The following TFEC variants were observed in gnomAD, a reference collection of about 807,000 sequenced individuals.
The protein encoded by TFEC is transcription factor EC.
In TFEC, 31 loss-of-function variants were observed where a neutral mutation model predicts 41.6. The observed-to-expected ratio is 0.74, with a 90% CI of 0.56 to 1.01. The LOEUF (loss-of-function observed/expected upper bound fraction) is 1.01. Ranked by LOEUF, TFEC falls within the 50% of genes least tolerant of loss-of-function variation. The probability of loss-of-function intolerance (pLI) is 0.00; values close to 1 mark genes in which losing one functional copy is unlikely to be tolerated. For synonymous variants in TFEC, 143 were observed against 140.6 expected, an observed-to-expected ratio of 1.02 and a Z score of -0.12; for missense variants, 402 against 404.1, an observed-to-expected ratio of 0.99 and a Z score of 0.04.
chr7:116,033,436 G>T (rs1478740487), upstream of TFEC, among the ~76,000 whole-genome samples: 1 of 152,030 alleles, frequency 6.6e-6, no homozygotes, highest in Admixed American at 6.6e-5. Flanking sequence ...ATAAATAATA[G>T]AAGTAAATTG....
chr7:116,038,187 T>A (rs1169717822), intron 3 of TFEC, among the ~76,000 whole-genome samples: 4 of 152,098 alleles, frequency 2.6e-5, no homozygotes, highest in Non-Finnish European at 5.9e-5. Context: ...TACCAAGGAC[T>A]AAAATTTCTC....
intron 1 of TFEC, among the ~76,000 whole-genome samples, chr7:116,139,379 C>A (rs1450744547): frequency 6.6e-6 from 1 of 152,168 alleles, no homozygotes; most frequent in Non-Finnish European, 1.5e-5. Flanking sequence ...AGTGTCAGAA[C>A]AATGATCCAT....
intron 1 of TFEC, among the ~76,000 whole-genome samples, chr7:116,135,592 T>A (rs1462664946): frequency 6.6e-6 from 1 of 152,142 alleles, no homozygotes; most frequent in Admixed American, 6.6e-5. Context: ...CCAAACAATA[T>A]TTTTCTTTAA....
chr7:115,994,545 AG>A (rs1484272623), intron 1 of TFEC, among the ~76,000 whole-genome samples: 102 of 152,230 alleles, frequency 6.7e-4, no homozygotes, highest in African/African-American at 2.4e-3. Flanking sequence ...AAGTGGGCAA[AG>A]GATATGAACA....
chr7:115,963,222 A>C (rs944103919), intron 3 of TFEC, among the ~76,000 whole-genome samples: 1 of 151,876 alleles, frequency 6.6e-6, no homozygotes, highest in African/African-American at 2.4e-5. Context: ...CAATAAGCAC[A>C]TGAAAAGATG....
rs1408543340 is a variant in TFEC, at chr7:115,989,386, C to T, written c.-72-4873G>A. 6.6e-5 allele frequency among the ~76,000 whole-genome samples: 10 copies of T among 152,286 alleles called. No individual in the cohort carries two copies. The East Asian group carries it at 1.9e-3, about 29-fold the overall frequency. On this transcript the variant is annotated intron_variant, in intron 1 of 7. Transcript: ENST00000265440. The stretch of plus-strand genomic sequence containing the variant: ...TCCAACTGAGGTACCACGTTCATCT[C>T]ACTGGGGCTTGTCAGACAGTGGGTG...
At chr7:115,958,161 A>G (rs35516950) in intron 3 of TFEC, among the ~76,000 whole-genome samples, 20,699 of 151,704 alleles carry the variant, frequency 0.14, 1,885 homozygotes, top group Non-Finnish European at 0.21. Flanking sequence ...AAAGCCACCT[A>G]TTGGAGTCAT....
chr7:116,061,513 C>A (rs1356419168), intron 3 of TFEC, among the ~76,000 whole-genome samples: 1 of 151,990 alleles, frequency 6.6e-6, no homozygotes, highest in Admixed American at 6.6e-5. Flanking sequence ...TCAAAGAAAA[C>A]TTGGGAGAAA....
intron 1 of TFEC, among the ~76,000 whole-genome samples, chr7:116,025,893 G>T (rs1350474038): frequency 1.3e-5 from 2 of 152,062 alleles, no homozygotes; most frequent in African/African-American, 4.8e-5. Context: ...TATTTTGAAG[G>T]TATTACCCAT....
intron 2 of TFEC, among the ~76,000 whole-genome samples, chr7:115,976,181 T>C (rs995658823): frequency 1.3e-5 from 2 of 152,140 alleles, no homozygotes; most frequent in African/African-American, 2.4e-5. Flanking sequence ...CCCAGCACTT[T>C]GGGAGCCTGA....
At chr7:115,989,569 G>C (rs1211885002) in intron 1 of TFEC, among the ~76,000 whole-genome samples, 1 of 152,138 alleles carries the variant, frequency 6.6e-6, no homozygotes, top group African/African-American at 2.4e-5. Flanking sequence ...TTCCAGAGGA[G>C]ATTATATCCC....
rs761887514 is a variant in TFEC at position 116,110,922 on chromosome 7, TCTCA to T, written c.-21_-18del. ...TTGTAACATATTTCTCTTCTTTTCT[TCTCA>T]CTATTAGTGGATTTGGAAAAAAAGG... On this transcript the variant is annotated splice_region_variant and 5_prime_UTR_variant, in exon 3 of 9. Coordinates refer to the TFEC transcript ENST00000484212. 14 of 1,500,078 alleles carry T rather than the reference TCTCA, an allele frequency of 9.3e-6. No individual in the cohort carries two copies. In the South Asian group the frequency reaches 1.4e-4, roughly 14 times the overall value. 92.9% of individuals were successfully genotyped at this position (1,500,078 alleles called of 1,614,324 possible). A position where few individuals can be genotyped will look rare whatever the true frequency, so the allele number is the denominator to read the frequency against.
intron 6 of TFEC, 126 bp from the exon 7 acceptor site, chr7:115,942,166 T>C (rs1793541118): frequency 4.1e-6 from 4 of 971,852 alleles, no homozygotes; most frequent in Admixed American, 3.1e-5. Context: ...TTAGATATTA[T>C]TGCTTCTGAA....
intron 1 of TFEC, among the ~76,000 whole-genome samples, chr7:116,148,448 C>A (rs1447928006): frequency 6.6e-6 from 1 of 152,020 alleles, no homozygotes; most frequent in Non-Finnish European, 1.5e-5. Flanking sequence ...ACGAACAGAG[C>A]AATGGAGTGG....
chr7:115,984,315 G>T lies in TFEC; in HGVS notation c.127C>A (p.Pro43Thr). Reference sequence around the variant, plus strand: ...CCAATAGCTAGTAACTTGGTGAGTGGGTTTTCTGTGAGGCCAGCATCACTG... The same window carrying T: ...CCAATAGCTAGTAACTTGGTGAGTGTGTTTTCTGTGAGGCCAGCATCACTG... Reference protein sequence around the residue: ...LDSDAGLTENPLTKLLAIGKE... With the variant: ...LDSDAGLTENTLTKLLAIGKE... Residue 43 changes from proline (P) to threonine (T), a missense_variant, in exon 2 of 8, where the codon CCA (proline) becomes ACA (threonine). By Grantham distance (38) the Pro-to-Thr change is conservative. Transcript: ENST00000265440. 1 of 1,614,058 alleles carries T rather than the reference G, an allele frequency of 6.2e-7. No homozygotes were observed. The highest frequency in any genetic ancestry group is 1.1e-5 in the South Asian group (1 of 91,086).
chr7:116,101,986 G>A (rs1797615800), intron 3 of TFEC, among the ~76,000 whole-genome samples: 1 of 152,076 alleles, frequency 6.6e-6, no homozygotes, highest in Non-Finnish European at 1.5e-5. Flanking sequence ...TTAATCTTCA[G>A]GAACACTGGA....
intron 1 of TFEC, among the ~76,000 whole-genome samples, chr7:115,996,062 T>A (rs1794354339): frequency 1.3e-5 from 2 of 152,158 alleles, no homozygotes; most frequent in Admixed American, 6.5e-5. Context: ...TTACAGCCAG[T>A]GGACTTGGGG....
rs1176974485 is a variant in TFEC, at chr7:115,940,001, A to AT, written c.*549dup. On this transcript the variant is annotated 3_prime_UTR_variant, in exon 8 of 8. Coordinates refer to ENST00000265440, the MANE Select transcript of TFEC (RefSeq NM_012252.4). Reference sequence around the variant, plus strand: ...TGGAAAATTCTCACATTTATTGTAGATTTGCCTTTCAACCACAAGTGACAG... The same window carrying AT: ...TGGAAAATTCTCACATTTATTGTAGATTTTGCCTTTCAACCACAAGTGACAG... 1 of 152,048 alleles carries AT rather than the reference A, an allele frequency of 6.6e-6. No homozygotes were observed. The highest frequency in any genetic ancestry group is 1.5e-5 in the Non-Finnish European group (1 of 67,996). 9.4% of individuals were successfully genotyped at this position (152,048 alleles called of 1,614,324 possible).
chr7:115,989,133 T>C (rs1349731533), intron 1 of TFEC, among the ~76,000 whole-genome samples: 1 of 152,048 alleles, frequency 6.6e-6, no homozygotes, highest in Non-Finnish European at 1.5e-5. Context: ...GGAAAGAAAA[T>C]AATGTAGGTC....
Sources: gnomAD v4.1 joint callset for allele counts (sites outside exome capture counted in the v4.1 genomes callset) on GRCh38, gnomAD v4.1.1 for gene constraint, MANE v1.5 for transcripts, NCBI Gene and HGNC (gene_info 2026-07-23, HGNC 2026-07-21) for gene names.